OXSR1: variants seen among roughly 807,000 people sequenced by gnomAD.
The protein encoded by OXSR1 is serine/threonine-protein kinase OSR1.
A neutral mutation model predicts 79.8 loss-of-function variants in OXSR1; 24 were observed. The observed-to-expected ratio is 0.30, with a 90% confidence interval of 0.22 to 0.42. The LOEUF (loss-of-function observed/expected upper bound fraction) is 0.42. Ranked by LOEUF, OXSR1 falls within the 10% of genes least tolerant of loss-of-function variation. The pLI, the probability that OXSR1 is intolerant of heterozygous loss-of-function variation, is 1.00. For synonymous variants in OXSR1, 226 were observed against 209.2 expected (o/e 1.08, Z -0.69); for missense variants, 430 against 618.4 (o/e 0.70, Z 3.23).
At chr3:38,164,634 G>T (rs751140319), upstream of OXSR1, among the ~76,000 whole-genome samples, 1 of 152,134 alleles carries the variant, frequency 6.6e-6, no homozygotes, top group Non-Finnish European at 1.5e-5. Flanking sequence ...TGTTCAGTGG[G>T]GGCGACAAAA....
chr3:38,234,377 A>G (rs902434248), intron 10 of OXSR1, among the ~76,000 whole-genome samples: 1 of 152,218 alleles, frequency 6.6e-6, no homozygotes, highest in African/African-American at 2.4e-5. Context: ...TATCTAGAAT[A>G]TATAAAGAAC....
At chr3:38,166,568 G>A (rs1025639555) in intron 1 of OXSR1, among the ~76,000 whole-genome samples, 14 of 152,098 alleles carry the variant, frequency 9.2e-5, no homozygotes, top group Non-Finnish European at 2.9e-5. Flanking sequence ...CGAGGCGGGC[G>A]GATCACGAGG....
chr3:38,172,534 A>G (rs1323767788), intron 1 of OXSR1, among the ~76,000 whole-genome samples: 2 of 152,190 alleles, frequency 1.3e-5, no homozygotes, highest in Non-Finnish European at 2.9e-5. Flanking sequence ...ATATATTTCT[A>G]TTCTTGACTT....
At chr3:38,193,956 A>T (rs1293944202) in intron 3 of OXSR1, among the ~76,000 whole-genome samples, 1 of 152,212 alleles carries the variant, frequency 6.6e-6, no homozygotes, top group East Asian at 1.9e-4. Flanking sequence ...AAATGAATAA[A>T]CATTTAAACT....
chr3:38,217,351 T>G (rs1304751865), intron 5 of OXSR1, among the ~76,000 whole-genome samples: 1 of 152,176 alleles, frequency 6.6e-6, no homozygotes, highest in Non-Finnish European at 1.5e-5. Flanking sequence ...TCATTACAGT[T>G]GAAGATATGC....
Position 38,185,122 on chromosome 3 carries a change from TG to T in OXSR1, c.183+2008del, listed in dbSNP as rs34006694. On this transcript the variant is annotated intron_variant, in intron 2 of 17. Transcript: ENST00000311806. ...GGGCAACAGAGTAAGACTCCATCTC[TG>T]AAAAAAAAATTGAATACGACTTACA... Among the ~76,000 whole-genome samples the T allele has an allele frequency of 7.2e-3, 1,080 of 150,966 alleles. 17 individuals carry two copies. Among genetic ancestry groups the T allele is most frequent in the African/African-American group, 0.025 (1,036 of 41,210 alleles).
intron 1 of OXSR1, among the ~76,000 whole-genome samples, chr3:38,168,578 G>A (rs1035051089): frequency 2.0e-5 from 3 of 152,040 alleles, no homozygotes; most frequent in Non-Finnish European, 4.4e-5. Flanking sequence ...TAATCTTTTA[G>A]TAAATTTACA....
In OXSR1 at chr3:38,242,861, A is replaced by C. The variant is rs369003511; in HGVS notation, c.1110+83A>C. On this transcript the variant is annotated intron_variant, in intron 12 of 17. Coordinates refer to ENST00000311806, the MANE Select transcript of OXSR1 (RefSeq NM_005109.3). ...CAATTCGAAGTGCTTTTGTTTGTGC[A>C]TATGTATGCTTAAATGGGAATGCAA... 2.8e-5 allele frequency: 22 copies of C among 798,044 alleles called. No homozygotes were observed. The East Asian group carries it at 4.1e-4, about 15-fold the overall frequency. 49.4% of individuals were successfully genotyped at this position (798,044 alleles called of 1,614,324 possible).
chr3:38,167,232 C>A (rs978155127), intron 1 of OXSR1, among the ~76,000 whole-genome samples: 1 of 152,194 alleles, frequency 6.6e-6, no homozygotes, highest in Admixed American at 6.5e-5. Context: ...CCAGGAATAC[C>A]AGTTGGCAGA....
intron 4 of OXSR1, among the ~76,000 whole-genome samples, chr3:38,206,572 G>A (rs1041374439): frequency 6.6e-6 from 1 of 151,168 alleles, no homozygotes; most frequent in Non-Finnish European, 1.5e-5. Flanking sequence ...TTTGCTATTC[G>A]CTATAGAAAC....
At chr3:38,210,814 G>A (rs1702371690) in intron 4 of OXSR1, among the ~76,000 whole-genome samples, 1 of 152,096 alleles carries the variant, frequency 6.6e-6, no homozygotes, top group South Asian at 2.1e-4. Context: ...CTTTTTTCCT[G>A]TTGTGAAGAC....
chr3:38,164,366 G>C (rs953375467), upstream of OXSR1, among the ~76,000 whole-genome samples: 2 of 152,220 alleles, frequency 1.3e-5, no homozygotes, highest in Admixed American at 1.3e-4. Context: ...GGATGGTCTC[G>C]AACTCCTGAC....
At chr3:38,247,947 T>A (rs1433220525) in intron 14 of OXSR1, among the ~76,000 whole-genome samples, 1 of 152,184 alleles carries the variant, frequency 6.6e-6, no homozygotes, top group Non-Finnish European at 1.5e-5. Flanking sequence ...GCACATGTTC[T>A]CTCAGTTGTT....
rs545066663 is a variant in OXSR1, at chr3:38,247,025, T to C, written c.1258-643T>C. On this transcript the variant is annotated intron_variant, in intron 13 of 17. Transcript: ENST00000311806. ...GTGTTCTGCCTTTGGAGATCACTGC[T>C]TTGAGCATTTCCAATTAGTCATGGC... Among the ~76,000 whole-genome samples the C allele has an allele frequency of 5.9e-5, 9 of 152,216 alleles. No homozygotes were observed. In the East Asian group the frequency reaches 1.5e-3, roughly 26 times the overall value.
intron 1 of OXSR1, among the ~76,000 whole-genome samples, chr3:38,179,389 A>G (rs1398965654): frequency 2.0e-5 from 3 of 152,000 alleles, no homozygotes; most frequent in African/African-American, 7.3e-5. Flanking sequence ...CGGGTCTCGA[A>G]TTCCTGGACT....
chr3:38,235,220 G>A (rs915674845), intron 10 of OXSR1, among the ~76,000 whole-genome samples: 4 of 152,182 alleles, frequency 2.6e-5, no homozygotes, highest in African/African-American at 9.7e-5. Context: ...TATACTTTGA[G>A]TGGTTCAGTT....
At chr3:38,218,423 G>C (rs555023441) in intron 5 of OXSR1, among the ~76,000 whole-genome samples, 9 of 152,228 alleles carry the variant, frequency 5.9e-5, no homozygotes, top group Admixed American at 4.6e-4. Flanking sequence ...ATTAGTGATG[G>C]TGAACATCTT....
At chr3:38,207,760 T>C (rs1054116867) in intron 4 of OXSR1, among the ~76,000 whole-genome samples, 2 of 152,182 alleles carry the variant, frequency 1.3e-5, no homozygotes, top group Admixed American at 6.5e-5. Context: ...GCTAGAACTT[T>C]AGTCACATGG....
At chr3:38,235,041 A>G (rs1280887482) in intron 10 of OXSR1, among the ~76,000 whole-genome samples, 1 of 152,132 alleles carries the variant, frequency 6.6e-6, no homozygotes, top group African/African-American at 2.4e-5. Context: ...AGGCAAATGT[A>G]AAGAGACAGA....
Sources: gnomAD v4.1 joint callset for allele counts (sites outside exome capture counted in the v4.1 genomes callset) on GRCh38, gnomAD v4.1.1 for gene constraint, MANE v1.5 for transcripts, NCBI Gene and HGNC (gene_info 2026-07-23, HGNC 2026-07-21) for gene names.